The following SIPA1L3 variants were observed in gnomAD, a reference collection of about 807,000 sequenced individuals.
The protein encoded by SIPA1L3 is signal induced proliferation associated 1 like 3, also known as signal-induced proliferation-associated 1-like protein 3.
A neutral mutation model predicts 150.1 loss-of-function variants in SIPA1L3; 59 were observed. The observed-to-expected ratio is 0.39, with a 90% CI of 0.32 to 0.49. SIPA1L3 has a LOEUF of 0.49. Among genes scored for constraint, SIPA1L3 ranks in the 20% least tolerant of loss-of-function variants. The pLI, the probability that SIPA1L3 is intolerant of heterozygous loss-of-function variation, is 0.86. For missense variants in SIPA1L3, 2,211 were observed against 2,489.5 expected (o/e 0.89, Z 2.38); for synonymous variants, 1,070 against 1,077.6 (o/e 0.99, Z 0.14).
chr19:37,950,438 A>G (rs2046752917), intron 1 of SIPA1L3, among the ~76,000 whole-genome samples: 1 of 152,150 alleles, frequency 6.6e-6, no homozygotes, highest in Non-Finnish European at 1.5e-5. Flanking sequence ...TGCCCAAGTG[A>G]GTAACAGCTT....
At chr19:37,955,194 C>G (rs1164627452) in intron 1 of SIPA1L3, among the ~76,000 whole-genome samples, 1 of 151,294 alleles carries the variant, frequency 6.6e-6, no homozygotes, top group Non-Finnish European at 1.5e-5. Context: ...GAGTTTGAGA[C>G]CAGCCTGACC....
chr19:38,115,041 A>G (rs980603314), intron 8 of SIPA1L3, among the ~76,000 whole-genome samples: 9 of 152,234 alleles, frequency 5.9e-5, no homozygotes, highest in African/African-American at 2.2e-4. Context: ...AGTTGATGCC[A>G]CTGACAGAGG....
intron 2 of SIPA1L3, among the ~76,000 whole-genome samples, chr19:38,078,438 G>GCACACACACACACA (rs66830496): frequency 5.3e-4 from 74 of 139,002 alleles, no homozygotes; most frequent in African/African-American, 1.8e-3. Flanking sequence ...GCGCATACAT[G>GCACACACACACACA]CACACACACA....
chr19:38,162,869 T>A (rs951704838), intron 14 of SIPA1L3, among the ~76,000 whole-genome samples: 3 of 152,052 alleles, frequency 2.0e-5, no homozygotes, highest in Admixed American at 2.0e-4. Flanking sequence ...TGGGAGGTGT[T>A]TTTTAGCCCA....
At chr19:37,934,337 A>G (rs533052071) in intron 1 of SIPA1L3, among the ~76,000 whole-genome samples, 1 of 152,290 alleles carries the variant, frequency 6.6e-6, no homozygotes, top group East Asian at 1.9e-4. Context: ...GCAGGAGGGA[A>G]GCTCTTCTGC....
intron 1 of SIPA1L3, among the ~76,000 whole-genome samples, chr19:37,926,660 G>A (rs867445791): frequency 2.6e-5 from 4 of 152,134 alleles, no homozygotes; most frequent in South Asian, 4.2e-4. Flanking sequence ...CTTGCAAGTC[G>A]TTGTGGAACC....
At chr19:38,056,791 T>C (rs1397483366) in intron 2 of SIPA1L3, among the ~76,000 whole-genome samples, 1 of 152,150 alleles carries the variant, frequency 6.6e-6, no homozygotes, top group Non-Finnish European at 1.5e-5. Context: ...GGGCCAGGCG[T>C]GGTGGCCCAC....
intron 2 of SIPA1L3, among the ~76,000 whole-genome samples, chr19:38,030,051 A>G (rs537809971): frequency 2.0e-5 from 3 of 151,778 alleles, no homozygotes; most frequent in East Asian, 3.9e-4. Context: ...ATGAGGTTTC[A>G]CCATGCTGGC....
chr19:38,153,857 C>G (rs1193533681), intron 13 of SIPA1L3, among the ~76,000 whole-genome samples: 1 of 152,014 alleles, frequency 6.6e-6, no homozygotes, highest in Non-Finnish European at 1.5e-5. Context: ...TTGCTTGAAC[C>G]TGGGAGGCAG....
chr19:38,093,247 C>T (rs4803746), intron 4 of SIPA1L3, among the ~76,000 whole-genome samples: 65,265 of 151,794 alleles, frequency 0.43, 14,630 homozygotes, highest in East Asian at 0.74. Flanking sequence ...GAGAGGGAGC[C>T]GTGTGGACAA....
intron 9 of SIPA1L3, among the ~76,000 whole-genome samples, chr19:38,123,157 C>T (rs1971062807): frequency 6.6e-6 from 1 of 152,172 alleles, no homozygotes; most frequent in Admixed American, 6.5e-5. Flanking sequence ...GTCTCTTGCT[C>T]ACAAAAGCCT....
At chr19:38,117,409 C>CAGTAGTTCAAGACCAGCCTG (rs747862491) in intron 8 of SIPA1L3, among the ~76,000 whole-genome samples, 59 of 152,244 alleles carry the variant, frequency 3.9e-4, no homozygotes, top group Non-Finnish European at 7.9e-4. Flanking sequence ...CACTTGAGGT[C>CAGTAGTTCAAGACCAGCCTG]AGTAGTTCAA....
chr19:38,090,961 C>T (rs1056811937), intron 4 of SIPA1L3, among the ~76,000 whole-genome samples: 1 of 152,248 alleles, frequency 6.6e-6, no homozygotes, highest in South Asian at 2.1e-4. Flanking sequence ...CCCCAGCCCT[C>T]TCCTCCCTCT....
chr19:38,081,726 C>CA lies in SIPA1L3; in HGVS notation c.161_162insA (p.Ala55GlyfsTer126), dbSNP rs767657585. On this transcript the variant is annotated frameshift_variant, in exon 3 of 22. Coordinates refer to ENST00000222345, the MANE Select transcript of SIPA1L3 (RefSeq NM_015073.3). LOFTEE classifies it high-confidence loss of function. ...ATGTCCCAGCCTCTTGGCGAGAGCC[C>CA]GGCCACCGCCACCGCCACCGCCACC... 6.2e-7 allele frequency: 1 copy of CA among 1,603,288 alleles called. No homozygotes were observed. Among genetic ancestry groups the CA allele is most frequent in the Admixed American group, 1.7e-5 (1 of 59,064 alleles).
chr19:38,195,193 T>C (rs1972895180), intron 18 of SIPA1L3, among the ~76,000 whole-genome samples: 1 of 152,194 alleles, frequency 6.6e-6, no homozygotes. Flanking sequence ...AGACCCTCCC[T>C]GCTCAGGGCA....
intron 1 of SIPA1L3, among the ~76,000 whole-genome samples, chr19:37,950,712 G>C (rs1317958729): frequency 6.6e-6 from 1 of 152,214 alleles, no homozygotes; most frequent in Non-Finnish European, 1.5e-5. Context: ...CCCGTCTGCT[G>C]CTCCCTCCGC....
chr19:38,058,377 C>T (rs1032067568), intron 2 of SIPA1L3, among the ~76,000 whole-genome samples: 5 of 152,126 alleles, frequency 3.3e-5, no homozygotes, highest in South Asian at 2.1e-4. Flanking sequence ...AACCCCCATT[C>T]CCACACACCT....
chr19:37,965,383 T>C (rs1265768870), intron 1 of SIPA1L3, among the ~76,000 whole-genome samples: 3 of 151,084 alleles, frequency 2.0e-5, no homozygotes, highest in Admixed American at 1.3e-4. Context: ...TGGCACAATC[T>C]TGGCTCACTG....
At chr19:38,199,396 G>A (rs921098849) in intron 19 of SIPA1L3, among the ~76,000 whole-genome samples, 1 of 152,186 alleles carries the variant, frequency 6.6e-6, no homozygotes, top group Non-Finnish European at 1.5e-5. Flanking sequence ...CGCAACCGTG[G>A]GCCACAGGAA....
Sources: allele counts gnomAD v4.1 joint callset (sites outside exome capture counted in the v4.1 genomes callset), GRCh38; gene constraint gnomAD v4.1.1; transcripts MANE v1.5; gene names NCBI Gene and HGNC (gene_info 2026-07-23, HGNC 2026-07-21).